Variants in BANF2 observed in about 807,000 individuals in gnomAD.
BANF2 encodes barrier-to-autointegration factor-like protein.
In BANF2, 4 loss-of-function variants were observed where a neutral mutation model predicts 8.0. The observed-to-expected ratio is 0.50, with a 90% confidence interval of 0.25 to 1.14. The LOEUF (loss-of-function observed/expected upper bound fraction) is 1.14, where lower values mean the gene tolerates loss of function less well. BANF2 is among the 50% of genes most tolerant of loss of function. The pLI is 0.16. For synonymous variants in BANF2, 50 were observed against 40.6 expected, an observed-to-expected ratio of 1.23 and a Z score of -0.88; for missense variants, 96 against 107.5, an observed-to-expected ratio of 0.89 and a Z score of 0.47.
Position 17,725,109 on chromosome 20 carries a change from C to T in BANF2, c.84C>T (p.Ser28=). ...ATGTCTGCTGGGTGGATGGCATCAGCCATGAGCTCGCGATCAATTTGGTCA... is the reference window on the plus strand; with the variant it reads ...ATGTCTGCTGGGTGGATGGCATCAGTCATGAGCTCGCGATCAATTTGGTCA... The part of the protein sequence containing the change: ...EKDVCWVDGI[S]HELAINLVTK... The change falls in exon 3 of 4, where the codon AGC becomes AGT. Residue 28 remains serine (S), a synonymous_variant. Coordinates refer to ENST00000246090, the MANE Select transcript of BANF2 (RefSeq NM_178477.5). 6.2e-7 allele frequency: 1 copy of T among 1,612,910 alleles called. No individual in the cohort carries two copies. The highest frequency in any genetic ancestry group is 8.5e-7 in the Non-Finnish European group (1 of 1,178,816).
At chr20:17,732,025 C>T (rs1473740823) in intron 3 of BANF2, among the ~76,000 whole-genome samples, 1 of 151,126 alleles carries the variant, frequency 6.6e-6, no homozygotes, top group Non-Finnish European at 1.5e-5. Flanking sequence ...AAGACCGTGC[C>T]ACTGCACTCC....
chr20:17,722,440 C>T (rs2037745809), intron 1 of BANF2, among the ~76,000 whole-genome samples: 1 of 152,228 alleles, frequency 6.6e-6, no homozygotes, highest in Admixed American at 6.5e-5. Flanking sequence ...CTTTTCCTTG[C>T]TCAGAAATTC....
chr20:17,735,756 G>T lies in BANF2; in HGVS notation c.218G>T (p.Cys73Phe). 6.2e-7 allele frequency: 1 copy of T among 1,614,044 alleles called. No homozygotes were observed. Among genetic ancestry groups the T allele is most frequent in the Non-Finnish European group, 8.5e-7 (1 of 1,179,962 alleles). ...ATTTGCTGTTTTGGTGCCACTGAGT[G>T]TGAGGCCCAGCAGACTTCTCACTGC... The part of the protein sequence containing the change: ...WLICCFGATE[C>F]EAQQTSHCLK... Residue 73 changes from cysteine to phenylalanine, a missense_variant, in exon 4 of 4, where the codon TGT becomes TTT. By Grantham distance (205) the Cys-to-Phe change is radical. Coordinates refer to ENST00000246090, the MANE Select transcript of BANF2 (RefSeq NM_178477.5).
At chr20:17,719,786 G>A (rs531932175) in intron 1 of BANF2, among the ~76,000 whole-genome samples, 99 of 151,810 alleles carry the variant, frequency 6.5e-4, no homozygotes, top group Non-Finnish European at 1.2e-3. Context: ...TCTTCCTATT[G>A]ATGGCTAATG....
intron 3 of BANF2, among the ~76,000 whole-genome samples, chr20:17,734,313 G>A (rs769050060): frequency 7.9e-5 from 12 of 152,120 alleles, no homozygotes; most frequent in Non-Finnish European, 1.2e-4. Flanking sequence ...GGGGAACGTG[G>A]ACAAGGTTTA....
rs180688861 is a variant in BANF2 at position 17,718,878 on chromosome 20, G to C, written c.-166-3838G>C. The stretch of plus-strand genomic sequence containing the variant: ...TGTCCTCCCCAAACAGGACTTTGTG[G>C]TTCAAAATACAGTAGGGTCATTGAC... On this transcript the variant is annotated intron_variant, in intron 1 of 3. Transcript: ENST00000246090. Among the ~76,000 whole-genome samples, 157 of 152,284 alleles carry C rather than the reference G, an allele frequency of 1.0e-3. 1 individual carries two copies. The highest frequency in any genetic ancestry group is 3.4e-3 in the Middle Eastern group (1 of 294).
chr20:17,734,478 G>A (rs1287409841), intron 3 of BANF2, among the ~76,000 whole-genome samples: 1 of 152,194 alleles, frequency 6.6e-6, no homozygotes, highest in Non-Finnish European at 1.5e-5. Flanking sequence ...CTGAGATCCA[G>A]GTTCTGTGGG....
intron 1 of BANF2, among the ~76,000 whole-genome samples, chr20:17,709,859 A>G (rs2037543860): frequency 6.6e-6 from 1 of 152,198 alleles, no homozygotes; most frequent in Non-Finnish European, 1.5e-5. Flanking sequence ...TGCCTTGGTA[A>G]GCCTGGATAA....
Position 17,726,120 on chromosome 20 carries a change from C to T in BANF2, c.126+969C>T, listed in dbSNP as rs115996383. On this transcript the variant is annotated intron_variant, in intron 3 of 3. Coordinates refer to ENST00000246090, the MANE Select transcript of BANF2 (RefSeq NM_178477.5). Reference sequence around the variant, plus strand: ...GTAGATTGGATTCTTTCCTGCCAGACGAAGGAGGGAGAACCATTCTCTGGG... The same window carrying T: ...GTAGATTGGATTCTTTCCTGCCAGATGAAGGAGGGAGAACCATTCTCTGGG... Among the ~76,000 whole-genome samples the T allele has an allele frequency of 8.2e-3, 1,246 of 152,232 alleles. 19 individuals carry two copies. The highest frequency in any genetic ancestry group is 0.028 in the African/African-American group (1,177 of 41,518).
At chr20:17,705,000 G>A (rs558404420) in intron 1 of BANF2, among the ~76,000 whole-genome samples, 11 of 152,338 alleles carry the variant, frequency 7.2e-5, no homozygotes, top group African/African-American at 1.4e-4. Flanking sequence ...CTGAGGTCGC[G>A]TGTCCACAAT....
rs1016962026 is a variant in BANF2, at chr20:17,723,720, C to T, written c.-4+842C>T. On this transcript the variant is annotated intron_variant, in intron 2 of 3. Transcript: ENST00000246090. ...TCAAACTTGGAAGATGGCGGCCGGG[C>T]GCAGCAGCTCATGCCTGTAATCCCA... Among the ~76,000 whole-genome samples the T allele has an allele frequency of 3.9e-5, 6 of 152,142 alleles. No individual in the cohort carries two copies. In the East Asian group the frequency reaches 5.8e-4, roughly 15 times the overall value.
intron 1 of BANF2, among the ~76,000 whole-genome samples, chr20:17,720,295 G>A (rs1170280955): frequency 6.6e-6 from 1 of 152,224 alleles, no homozygotes; most frequent in Non-Finnish European, 1.5e-5. Flanking sequence ...CATGTTCGTA[G>A]CAGTATTATT....
chr20:17,716,035 G>A lies in BANF2; in HGVS notation c.-166-6681G>A, dbSNP rs147879714. Among the ~76,000 whole-genome samples, 20 of 152,094 alleles carry A rather than the reference G, an allele frequency of 1.3e-4. No homozygotes were observed. In the East Asian group the frequency reaches 3.1e-3, roughly 24 times the overall value. ...ACGGTAGGCTCAGTTCCCACCCGCC[G>A]AGCAGCCCTCACAGAAAGTGACTCA... On this transcript the variant is annotated intron_variant, in intron 1 of 3. Coordinates refer to ENST00000246090, the MANE Select transcript of BANF2 (RefSeq NM_178477.5).
intron 2 of BANF2, among the ~76,000 whole-genome samples, chr20:17,724,809 G>C (rs551058085): frequency 6.6e-6 from 1 of 152,300 alleles, no homozygotes; most frequent in African/African-American, 2.4e-5. Context: ...TTCGGCTTCT[G>C]TTTGTCCATC....
intron 1 of BANF2, among the ~76,000 whole-genome samples, chr20:17,713,843 A>T (rs1029284215): frequency 1.3e-5 from 2 of 151,944 alleles, no homozygotes; most frequent in Non-Finnish European, 2.9e-5. Context: ...TCAAAAATAA[A>T]AAATAAATAA....
chr20:17,727,762 T>C (rs1254010110), intron 3 of BANF2, among the ~76,000 whole-genome samples: 1 of 152,162 alleles, frequency 6.6e-6, no homozygotes, highest in Non-Finnish European at 1.5e-5. Flanking sequence ...TTGTTTTTGT[T>C]TTGAGACAGT....
intron 1 of BANF2, among the ~76,000 whole-genome samples, chr20:17,703,710 AGCAT>A (rs2037441676): frequency 6.7e-6 from 1 of 149,238 alleles, no homozygotes; most frequent in Admixed American, 6.7e-5. Flanking sequence ...GTTTTCTTAC[AGCAT>A]GGAGGTCTCA....
intron 3 of BANF2, among the ~76,000 whole-genome samples, chr20:17,725,668 T>C (rs2037798534): frequency 6.6e-6 from 1 of 152,256 alleles, no homozygotes; most frequent in African/African-American, 2.4e-5. Context: ...TATTCTTTTC[T>C]ACGTCATTGT....
chr20:17,702,777 A>T (rs1178747976), intron 1 of BANF2, among the ~76,000 whole-genome samples: 1 of 152,208 alleles, frequency 6.6e-6, no homozygotes, highest in East Asian at 1.9e-4. Flanking sequence ...CTTCTGAGTT[A>T]TTCTATAGCC....
Sources: allele counts gnomAD v4.1 joint callset (sites outside exome capture counted in the v4.1 genomes callset), GRCh38; gene constraint gnomAD v4.1.1; transcripts MANE v1.5; gene names NCBI Gene and HGNC (gene_info 2026-07-23, HGNC 2026-07-21).